Variants in CPQ observed in about 807,000 individuals in gnomAD.
CPQ encodes the protein carboxypeptidase Q, also known as Ser-Met dipeptidase.
A neutral mutation model predicts 45.7 loss-of-function variants in CPQ; 37 were observed. The observed-to-expected ratio is 0.81, with a 90% CI of 0.62 to 1.07. The LOEUF is 1.07. CPQ is among the 50% of genes least tolerant of loss of function. The pLI is 0.00. For missense variants in CPQ, 537 were observed against 572.9 expected (o/e 0.94, Z 0.64); for synonymous variants, 186 against 205.8 (o/e 0.90, Z 0.82).
At chr8:96,663,319 T>TACATGAC (rs11283325) in intron 1 of CPQ, among the ~76,000 whole-genome samples, 97,333 of 151,220 alleles carry the variant, frequency 0.64, 31,464 homozygotes, top group Non-Finnish European at 0.68. Context: ...TTCATCTGCA[T>TACATGAC]ACATGACATT....
chr8:96,954,636 T>A (rs1813323798), intron 4 of CPQ, among the ~76,000 whole-genome samples: 1 of 152,152 alleles, frequency 6.6e-6, no homozygotes, highest in Non-Finnish European at 1.5e-5. Flanking sequence ...AGGGTACATG[T>A]GCACAACATG....
chr8:96,918,869 T>C (rs943462136), intron 4 of CPQ, among the ~76,000 whole-genome samples: 1 of 152,124 alleles, frequency 6.6e-6, no homozygotes, highest in South Asian at 2.1e-4. Flanking sequence ...TAAGGGTGTA[T>C]ATGCTTTTCA....
intron 3 of CPQ, among the ~76,000 whole-genome samples, chr8:96,867,574 A>G (rs1233523742): frequency 6.6e-6 from 1 of 151,974 alleles, no homozygotes; most frequent in East Asian, 1.9e-4. Context: ...GAAAATGTAG[A>G]AAAGTCAAGA....
intron 1 of CPQ, among the ~76,000 whole-genome samples, chr8:96,662,537 T>C (rs150528952): frequency 1.1e-3 from 168 of 152,332 alleles, no homozygotes; most frequent in African/African-American, 3.8e-3. Flanking sequence ...GCTGGCATAA[T>C]TAGGTAGACT....
At chr8:96,692,920 T>C in intron 1 of CPQ, among the ~76,000 whole-genome samples, 1 of 152,076 alleles carries the variant, frequency 6.6e-6, no homozygotes, top group East Asian at 1.9e-4. Flanking sequence ...AATAGCTGTG[T>C]TGAGGAAACT....
intron 3 of CPQ, among the ~76,000 whole-genome samples, chr8:96,872,566 AAT>A (rs1163428474): frequency 6.6e-6 from 1 of 151,896 alleles, no homozygotes; most frequent in Non-Finnish European, 1.5e-5. Context: ...ATAATTTGAA[AAT>A]ATATAATGCA....
intron 4 of CPQ, among the ~76,000 whole-genome samples, chr8:96,943,899 G>C (rs939166097): frequency 6.6e-6 from 1 of 152,122 alleles, no homozygotes; most frequent in Non-Finnish European, 1.5e-5. Flanking sequence ...AGGCTGGAAG[G>C]TTTTGTACAT....
chr8:96,750,867 A>G (rs142946551), intron 1 of CPQ, among the ~76,000 whole-genome samples: 6,430 of 152,160 alleles, frequency 0.042, 179 homozygotes, highest in Middle Eastern at 0.1. Context: ...GCTCCCACTT[A>G]TAAGTGAGAA....
chr8:96,931,182 C>A (rs531206430), intron 4 of CPQ, among the ~76,000 whole-genome samples: 1 of 152,292 alleles, frequency 6.6e-6, no homozygotes, highest in Admixed American at 6.5e-5. Context: ...ACAGAGTATC[C>A]TAGGGATGAA....
At chr8:96,791,998 G>A (rs937856501) in intron 2 of CPQ, among the ~76,000 whole-genome samples, 13 of 152,174 alleles carry the variant, frequency 8.5e-5, no homozygotes, top group Admixed American at 5.2e-4. Context: ...ATATGTGATG[G>A]AGTAGATTCT....
intron 7 of CPQ, among the ~76,000 whole-genome samples, chr8:97,128,684 C>CA (rs34086281): frequency 2.7e-4 from 41 of 152,080 alleles, no homozygotes; most frequent in African/African-American, 9.2e-4. Flanking sequence ...AACTCTGTCT[C>CA]AAAAAAACAA....
chr8:96,829,730 C>T (rs1189333640), intron 2 of CPQ, among the ~76,000 whole-genome samples: 1 of 152,072 alleles, frequency 6.6e-6, no homozygotes, highest in Non-Finnish European at 1.5e-5. Flanking sequence ...AGAATTAATG[C>T]TGATTTATGT....
intron 5 of CPQ, among the ~76,000 whole-genome samples, chr8:96,975,995 C>T (rs1220817285): frequency 6.6e-6 from 1 of 151,948 alleles, no homozygotes; most frequent in African/African-American, 2.4e-5. Flanking sequence ...CTAGAGTCAT[C>T]AGACAAGAAA....
Position 97,105,085 on chromosome 8 carries a change from A to T in CPQ, c.1256-37935A>T, listed in dbSNP as rs115463462. On this transcript the variant is annotated intron_variant, in intron 7 of 7. Transcript: ENST00000220763. ...AAACTTGTGGTAGCTAATTGAAAAG[A>T]CCACCCCGGCATTGTGCCTTCTTGA... Among the ~76,000 whole-genome samples the T allele has an allele frequency of 9.2e-3, 1,397 of 152,320 alleles. 24 individuals are homozygous for T. Among genetic ancestry groups the T allele is most frequent in the African/African-American group, 0.03 (1,267 of 41,560 alleles).
In CPQ at chr8:97,022,981, T is replaced by TATAGTATATATATAC. The variant is rs773678260; in HGVS notation, c.962-6420_962-6406dup. 3.9e-3 allele frequency among the ~76,000 whole-genome samples: 574 copies of TATAGTATATATATAC among 147,228 alleles called. 1 individual carries two copies. Among genetic ancestry groups the TATAGTATATATATAC allele is most frequent in the Non-Finnish European group, 6.2e-3 (414 of 67,090 alleles). ...TCCAAAAACATATATATATACTGTATATAGTATATATATACAGTATATATA... is the reference window on the plus strand; with the variant it reads ...TCCAAAAACATATATATATACTGTATATAGTATATATATACATAGTATATATATACAGTATATATA... On this transcript the variant is annotated intron_variant, in intron 5 of 7. Coordinates refer to ENST00000220763, the MANE Select transcript of CPQ (RefSeq NM_016134.4).
At chr8:96,942,032 A>C (rs960913911) in intron 4 of CPQ, among the ~76,000 whole-genome samples, 5 of 152,172 alleles carry the variant, frequency 3.3e-5, no homozygotes, top group African/African-American at 9.6e-5. Context: ...TGGAATGTTT[A>C]TCCTTATCCT....
intron 4 of CPQ, among the ~76,000 whole-genome samples, chr8:96,954,757 C>T (rs1410124333): frequency 3.3e-5 from 5 of 152,048 alleles, no homozygotes; most frequent in Non-Finnish European, 7.4e-5. Flanking sequence ...TCCCCCAACC[C>T]CACAACAGGC....
intron 1 of CPQ, among the ~76,000 whole-genome samples, chr8:96,779,517 A>T (rs115948948): frequency 0.021 from 3,151 of 152,252 alleles, 121 homozygotes; most frequent in African/African-American, 0.072. Context: ...TTTCAGGTTT[A>T]TCTGCTGCCT....
intron 4 of CPQ, among the ~76,000 whole-genome samples, chr8:96,910,783 C>T (rs889311981): frequency 6.6e-6 from 1 of 152,164 alleles, no homozygotes; most frequent in Non-Finnish European, 1.5e-5. Context: ...GGATTACAGG[C>T]GTGAGCCACC....
Sources: gnomAD v4.1 joint callset for allele counts (sites outside exome capture counted in the v4.1 genomes callset) on GRCh38, gnomAD v4.1.1 for gene constraint, MANE v1.5 for transcripts, NCBI Gene and HGNC (gene_info 2026-07-23, HGNC 2026-07-21) for gene names.